Variants in GABRB1 observed in about 807,000 individuals in gnomAD.
The protein encoded by GABRB1 is gamma-aminobutyric acid type A receptor subunit beta1, also known as gamma-aminobutyric acid receptor subunit beta-1.
A neutral mutation model predicts 51.6 loss-of-function variants in GABRB1; 17 were observed. The observed-to-expected ratio is 0.33, with a 90% CI of 0.23 to 0.49. The LOEUF is 0.49. Among genes scored for constraint, GABRB1 ranks in the 20% least tolerant of loss-of-function variants. The pLI, the probability that GABRB1 is intolerant of heterozygous loss-of-function variation, is 0.99. For synonymous variants in GABRB1, 247 were observed against 218.9 expected, an observed-to-expected ratio of 1.13 and a Z score of -1.14; for missense variants, 410 against 600.6, an observed-to-expected ratio of 0.68 and a Z score of 3.32.
intron 3 of GABRB1, among the ~76,000 whole-genome samples, chr4:47,092,251 C>A (rs1174319759): frequency 7.0e-6 from 1 of 142,160 alleles, no homozygotes; most frequent in Non-Finnish European, 1.5e-5. Context: ...CGGCTCACTG[C>A]AACCTTGGCC....
intron 4 of GABRB1, among the ~76,000 whole-genome samples, chr4:47,227,406 G>A (rs941071320): frequency 1.3e-5 from 2 of 152,084 alleles, no homozygotes; most frequent in African/African-American, 4.8e-5. Flanking sequence ...TCTTAAGTGT[G>A]GGCTTCAAGA....
chr4:47,085,174 A>G (rs146562481), intron 3 of GABRB1, among the ~76,000 whole-genome samples: 1 of 152,298 alleles, frequency 6.6e-6, no homozygotes, highest in African/African-American at 2.4e-5. Context: ...TAATATTCAA[A>G]ATTCCTCTAG....
intron 4 of GABRB1, among the ~76,000 whole-genome samples, chr4:47,171,263 C>A (rs1577970947): frequency 6.9e-6 from 1 of 143,958 alleles, no homozygotes; most frequent in South Asian, 2.2e-4. Context: ...TATCAAATGT[C>A]AGTTCTCAAA....
rs951526381 is a variant in GABRB1 at position 47,123,333 on chromosome 4, ATAT to A, written c.241-37912_241-37910del. 2.5e-3 allele frequency among the ~76,000 whole-genome samples: 328 copies of A among 128,688 alleles called. 1 individual carries two copies. Among genetic ancestry groups the A allele is most frequent in the Non-Finnish European group, 4.2e-3 (266 of 62,636 alleles). The allele number at this position is 128,688 out of a possible 152,430, so 84.4% of individuals were successfully genotyped here. A position where few individuals can be genotyped will look rare whatever the true frequency, so the allele number is the denominator to read the frequency against. On this transcript the variant is annotated intron_variant, in intron 3 of 8. Coordinates refer to ENST00000295454, the MANE Select transcript of GABRB1 (RefSeq NM_000812.4). ...TATATAATATTATATATATTAGATA[ATAT>A]TATATAATATATATTAGATAATATA...
At chr4:47,294,852 A>T (rs1723906132) in intron 4 of GABRB1, among the ~76,000 whole-genome samples, 2 of 152,126 alleles carry the variant, frequency 1.3e-5, no homozygotes, top group African/African-American at 4.8e-5. Flanking sequence ...ACTGGGAGGC[A>T]CCCCACAGTA....
intron 1 of GABRB1, among the ~76,000 whole-genome samples, chr4:47,017,229 T>G (rs1424064791): frequency 6.6e-6 from 1 of 152,202 alleles, no homozygotes; most frequent in Non-Finnish European, 1.5e-5. Context: ...TCCCTGCTTG[T>G]GTTAACATTC....
intron 4 of GABRB1, among the ~76,000 whole-genome samples, chr4:47,175,770 G>A (rs1291791807): frequency 6.6e-6 from 1 of 152,100 alleles, no homozygotes; most frequent in African/African-American, 2.4e-5. Flanking sequence ...CATGAATGTT[G>A]TCTCTTCACA....
intron 3 of GABRB1, among the ~76,000 whole-genome samples, chr4:47,098,222 CTCTT>C (rs1714547299): frequency 6.6e-6 from 1 of 151,810 alleles, no homozygotes; most frequent in African/African-American, 2.4e-5. Flanking sequence ...TCTTCCTTCT[CTCTT>C]TATTTTCATT....
intron 3 of GABRB1, among the ~76,000 whole-genome samples, chr4:47,095,325 G>T (rs757679243): frequency 6.6e-5 from 10 of 151,948 alleles, no homozygotes; most frequent in Non-Finnish European, 1.3e-4. Flanking sequence ...AACCTGGCAA[G>T]AGCAACAGTA....
intron 5 of GABRB1, among the ~76,000 whole-genome samples, chr4:47,322,843 C>T (rs1725132495): frequency 6.6e-6 from 1 of 152,022 alleles, no homozygotes; most frequent in East Asian, 1.9e-4. Flanking sequence ...CTGGCATGCA[C>T]CTGTAGTACC....
At chr4:47,160,444 T>C (rs1717893047) in intron 3 of GABRB1, among the ~76,000 whole-genome samples, 1 of 152,150 alleles carries the variant, frequency 6.6e-6, no homozygotes, top group African/African-American at 2.4e-5. Flanking sequence ...TAAGGGCAAA[T>C]TGATAACCTT....
At chr4:47,025,622 C>T (rs970825435) in intron 1 of GABRB1, among the ~76,000 whole-genome samples, 4 of 151,662 alleles carry the variant, frequency 2.6e-5, no homozygotes, top group Admixed American at 6.6e-5. Context: ...ATTTTAATGA[C>T]AACAAAATAA....
At chr4:47,232,211 C>T (rs941691935) in intron 4 of GABRB1, among the ~76,000 whole-genome samples, 1 of 152,148 alleles carries the variant, frequency 6.6e-6, no homozygotes, top group Non-Finnish European at 1.5e-5. Context: ...GGTTGATCCT[C>T]AAGGGTAATA....
chr4:47,010,843 G>T (rs544639053), intron 1 of GABRB1, among the ~76,000 whole-genome samples: 1 of 152,290 alleles, frequency 6.6e-6, no homozygotes, highest in East Asian at 1.9e-4. Context: ...TATCAAAGAT[G>T]AAATGTGTTA....
rs377742911 is a variant in GABRB1 at position 47,378,760 on chromosome 4, A to G, written c.545-24558A>G. Reference sequence around the variant, plus strand: ...CTCAGCTCCCCAAAGTGCTAGGATTACAGGCGTGAGCCACTGCTCCCGGCC... The same window carrying G: ...CTCAGCTCCCCAAAGTGCTAGGATTGCAGGCGTGAGCCACTGCTCCCGGCC... On this transcript the variant is annotated intron_variant, in intron 5 of 8. Coordinates refer to ENST00000295454, the MANE Select transcript of GABRB1 (RefSeq NM_000812.4). Among the ~76,000 whole-genome samples the G allele has an allele frequency of 2.0e-4, 31 of 152,182 alleles. No individual in the cohort carries two copies. The East Asian group carries it at 5.2e-3, about 26-fold the overall frequency.
intron 5 of GABRB1, among the ~76,000 whole-genome samples, chr4:47,359,773 G>C (rs1726729804): frequency 6.6e-6 from 1 of 151,914 alleles, no homozygotes; most frequent in Admixed American, 6.6e-5. Flanking sequence ...TTTTCATTCT[G>C]CCTTTCTGTT....
intron 3 of GABRB1, among the ~76,000 whole-genome samples, chr4:47,115,438 A>T (rs1446963087): frequency 6.6e-6 from 1 of 152,078 alleles, no homozygotes; most frequent in Non-Finnish European, 1.5e-5. Context: ...TTGGAAAAAG[A>T]TCTAGTATAA....
chr4:47,204,227 G>C (rs910041032), intron 4 of GABRB1, among the ~76,000 whole-genome samples: 1 of 152,086 alleles, frequency 6.6e-6, no homozygotes, highest in Non-Finnish European at 1.5e-5. Context: ...TGTGTGCTCT[G>C]GCATTTCTGT....
intron 3 of GABRB1, among the ~76,000 whole-genome samples, chr4:47,045,755 C>T (rs1182537506): frequency 2.6e-5 from 4 of 151,970 alleles, no homozygotes; most frequent in Admixed American, 1.3e-4. Flanking sequence ...CTCCCAAAGA[C>T]CTCACCTCCA....
Sources: allele counts gnomAD v4.1 joint callset (sites outside exome capture counted in the v4.1 genomes callset), GRCh38; gene constraint gnomAD v4.1.1; transcripts MANE v1.5; gene names NCBI Gene and HGNC (gene_info 2026-07-23, HGNC 2026-07-21).